The following DMD variants were observed in gnomAD, a reference collection of about 807,000 sequenced individuals.
DMD encodes mutant dystrophin.
In DMD, 63 loss-of-function variants were observed where a neutral mutation model predicts 330.1. The observed-to-expected ratio is 0.19, with a 90% CI of 0.16 to 0.24. DMD has a LOEUF of 0.24. Ranked by LOEUF, DMD falls within the 10% of genes least tolerant of loss-of-function variation. DMD has a pLI of 1.00. For missense variants in DMD, 3,344 were observed against 2,684.1 expected (o/e 1.25, Z -5.43); for synonymous variants, 1,223 against 959.8 (o/e 1.27, Z -5.07).
At chrX:31,474,737 TAAAATAAAATAAAATAAAAA>T (rs1400089394) in intron 59 of DMD, among the ~76,000 whole-genome samples, 8 of 102,242 alleles carry the variant, frequency 7.8e-5, no homozygotes, top group African/African-American at 2.9e-4. Flanking sequence ...TAAAATAAAA[TAAAATAAAATAAAATAAAAA>T]AAGAGAAACC....
At position 31,204,268 on chromosome X, in the gene DMD, ATATT is replaced by A. The variant is rs899396714; in HGVS notation, c.9650-154_9650-151del. 15 of 504,032 alleles carry A rather than the reference ATATT, an allele frequency of 3.0e-5. No individual in the cohort carries two copies. The Admixed American group carries it at 4.9e-4, about 16-fold the overall frequency. 41.5% of individuals were successfully genotyped at this position (504,032 alleles called of 1,213,427 possible). ...TTACTTCTAATTTGTGCTAATCTGG[ATATT>A]TATTATTTTTATGAATCAAGTTAAT... is the stretch of plus-strand genomic sequence containing the variant. On this transcript the variant is annotated intron_variant, in intron 66 of 78. Coordinates refer to ENST00000357033, the MANE Select transcript of DMD (RefSeq NM_004006.3).
At chrX:31,991,499 G>T (rs1280740566) in intron 44 of DMD, among the ~76,000 whole-genome samples, 1 of 110,996 alleles carries the variant, frequency 9.0e-6, no homozygotes, top group African/African-American at 3.3e-5. Context: ...TGACTTTGGA[G>T]GGGAGAGCAG....
At chrX:32,240,393 T>C (rs1052677209) in intron 43 of DMD, among the ~76,000 whole-genome samples, 12 of 111,245 alleles carry the variant, frequency 1.1e-4, no homozygotes, top group Non-Finnish European at 2.1e-4. Flanking sequence ...GACAGTTCCC[T>C]TGGACCTGCT....
intron 44 of DMD, among the ~76,000 whole-genome samples, chrX:32,044,302 G>A (rs1486497914): frequency 1.8e-5 from 2 of 110,639 alleles, no homozygotes; most frequent in Non-Finnish European, 1.9e-5. Context: ...TTCAATAGGG[G>A]ATGTCTTAGG....
chrX:33,334,621 T>C (rs968574643), intron 1 of DMD, among the ~76,000 whole-genome samples: 1 of 111,054 alleles, frequency 9.0e-6, no homozygotes, highest in Non-Finnish European at 1.9e-5. Flanking sequence ...ATCTCATGTG[T>C]CAGAAATATT....
At chrX:32,387,193 G>A (rs1020804811) in intron 32 of DMD, among the ~76,000 whole-genome samples, 3 of 110,608 alleles carry the variant, frequency 2.7e-5, no homozygotes, top group African/African-American at 9.8e-5. Flanking sequence ...CTATAAAAAA[G>A]CATCATAAGA....
At chrX:32,151,062 T>C (rs2096801417) in intron 44 of DMD, among the ~76,000 whole-genome samples, 1 of 111,737 alleles carries the variant, frequency 8.9e-6, no homozygotes, top group African/African-American at 3.2e-5. Context: ...AGTGAGTACA[T>C]ATTACTATTA....
At chrX:31,266,338 A>C (rs1333077153) in intron 62 of DMD, among the ~76,000 whole-genome samples, 1 of 111,276 alleles carries the variant, frequency 9.0e-6, no homozygotes, top group African/African-American at 3.3e-5. Flanking sequence ...CCTCGGAAGA[A>C]ATCAGGCAGA....
intron 56 of DMD, among the ~76,000 whole-genome samples, chrX:31,503,384 G>A (rs770410124): frequency 8.9e-5 from 10 of 112,269 alleles, no homozygotes; most frequent in African/African-American, 3.2e-4. Flanking sequence ...AAGCAGTTAA[G>A]TGACTTGATC....
At chrX:32,711,184 T>A (rs1370862570) in intron 7 of DMD, among the ~76,000 whole-genome samples, 1 of 111,601 alleles carries the variant, frequency 9.0e-6, no homozygotes. Context: ...GGATGAGGGT[T>A]AAAACTGATA....
At chrX:33,223,903 A>G (rs921809497) in intron 1 of DMD, among the ~76,000 whole-genome samples, 1 of 112,555 alleles carries the variant, frequency 8.9e-6, no homozygotes, top group Non-Finnish European at 1.9e-5. Context: ...AAACAACTCT[A>G]TTTTAAAAAT....
chrX:31,223,594 T>G (rs2046312090), intron 63 of DMD, among the ~76,000 whole-genome samples: 1 of 112,313 alleles, frequency 8.9e-6, no homozygotes, highest in African/African-American at 3.2e-5. Flanking sequence ...AACTTAGACA[T>G]TTAACATATA....
At chrX:32,734,248 G>C (rs893475335) in intron 7 of DMD, among the ~76,000 whole-genome samples, 2 of 102,993 alleles carry the variant, frequency 1.9e-5, no homozygotes, top group African/African-American at 7.7e-5. Context: ...CCAATAACAG[G>C]ATCTGAAATT....
chrX:33,096,041 C>G (rs1453015379), intron 1 of DMD, among the ~76,000 whole-genome samples: 3 of 83,734 alleles, frequency 3.6e-5, no homozygotes, highest in African/African-American at 1.4e-4. Context: ...GTGGTGCGAT[C>G]TCGGCTCACT....
intron 69 of DMD, among the ~76,000 whole-genome samples, chrX:31,179,067 A>T (rs968432370): frequency 2.7e-5 from 3 of 112,362 alleles, no homozygotes; most frequent in Non-Finnish European, 3.8e-5. Context: ...TATGATAAAT[A>T]AAAGAAACAT....
chrX:31,695,175 G>A (rs2083377316), intron 52 of DMD, among the ~76,000 whole-genome samples: 2 of 111,306 alleles, frequency 1.8e-5, no homozygotes, highest in East Asian at 2.8e-4. Flanking sequence ...GTCACAGAAC[G>A]AAAATCACTG....
At chrX:31,249,205 T>C (rs1229955727) in intron 63 of DMD, among the ~76,000 whole-genome samples, 2 of 111,689 alleles carry the variant, frequency 1.8e-5, no homozygotes, top group African/African-American at 6.5e-5. Context: ...CTGTGATACC[T>C]CCACTACCAC....
intron 7 of DMD, among the ~76,000 whole-genome samples, chrX:32,789,162 G>C (rs1018524627): frequency 1.8e-5 from 2 of 112,030 alleles, no homozygotes; most frequent in Non-Finnish European, 3.8e-5. Flanking sequence ...GATAAGGCAA[G>C]TTTCTTAATC....
At chrX:31,210,862 G>C (rs2044597751) in intron 64 of DMD, among the ~76,000 whole-genome samples, 1 of 112,473 alleles carries the variant, frequency 8.9e-6, no homozygotes, top group African/African-American at 3.2e-5. Context: ...TAATACCTAT[G>C]TAGGTTTGTG....
Sources: allele counts gnomAD v4.1 joint callset (sites outside exome capture counted in the v4.1 genomes callset), GRCh38; gene constraint gnomAD v4.1.1; transcripts MANE v1.5; gene names NCBI Gene and HGNC (gene_info 2026-07-23, HGNC 2026-07-21).